Variants in SH3BGR observed in about 807,000 individuals in gnomAD.
SH3BGR encodes SH3 domain-binding glutamic acid-rich protein.
Under a neutral mutation model 24.5 loss-of-function variants are expected in SH3BGR, and 29 were observed. The observed-to-expected ratio is 1.18, with a 90% CI of 0.88 to 1.61. The LOEUF is 1.61. Ranked by LOEUF, SH3BGR falls within the 40% of genes most tolerant of loss-of-function variation. SH3BGR has a pLI of 0.00. For synonymous variants in SH3BGR, 55 were observed against 65.7 expected (o/e 0.84, Z 0.79); for missense variants, 162 against 205.8 (o/e 0.79, Z 1.30).
rs564634475 is a variant in SH3BGR, at chr21:39,455,282, C to T, written c.45+3141C>T. On this transcript the variant is annotated intron_variant, in intron 1 of 6. Coordinates refer to ENST00000333634, the MANE Select transcript of SH3BGR (RefSeq NM_007341.3). ...AGGAAAACGGAGCTCTCTGAGTCTT[C>T]ACTGAGGTCCCAAAGGCTCCAAACA... 3.3e-5 allele frequency among the ~76,000 whole-genome samples: 5 copies of T among 152,308 alleles called. No homozygotes were observed. In the East Asian group the frequency reaches 9.7e-4, roughly 29 times the overall value.
chr21:39,506,424 G>A (rs2078584152), intron 4 of SH3BGR, among the ~76,000 whole-genome samples: 1 of 152,214 alleles, frequency 6.6e-6, no homozygotes, highest in Non-Finnish European at 1.5e-5. Context: ...CTGTTCTAAG[G>A]AGGTGTATTA....
Position 39,462,411 on chromosome 21 carries a change from G to C in SH3BGR, c.82G>C (p.Glu28Gln). Residue 28 changes from glutamate (E) to glutamine (Q), a missense_variant, in exon 2 of 7, where the codon GAA becomes CAA. Physicochemically the swap from Glu to Gln is conservative, Grantham distance 29. Transcript: ENST00000333634. ...KKQQEVVGFL[E>Q]ANKIDFKELD... ...ACAGCAAGAAGTAGTGGGTTTTTTG[G>C]AAGCGAATAAAATCGACTTTAAGGA... 10 of 1,610,624 alleles carry C rather than the reference G, an allele frequency of 6.2e-6. No individual in the cohort carries two copies. Among genetic ancestry groups the C allele is most frequent in the Non-Finnish European group, 5.1e-6 (6 of 1,179,284 alleles).
intron 1 of SH3BGR, among the ~76,000 whole-genome samples, chr21:39,454,748 T>C (rs537249718): frequency 6.6e-6 from 1 of 152,358 alleles, no homozygotes; most frequent in East Asian, 1.9e-4. Flanking sequence ...TGAGTGTCAT[T>C]CTTGGAAAAT....
chr21:39,459,482 C>T (rs1314197889), intron 1 of SH3BGR, among the ~76,000 whole-genome samples: 1 of 152,214 alleles, frequency 6.6e-6, no homozygotes, highest in Non-Finnish European at 1.5e-5. Flanking sequence ...CTTGGCCTCC[C>T]AAAGTGCTGG....
At chr21:39,510,569 T>G (rs75256099) in intron 5 of SH3BGR, among the ~76,000 whole-genome samples, 12,993 of 152,044 alleles carry the variant, frequency 0.085, 807 homozygotes, top group African/African-American at 0.17. Context: ...ACAGATCTGC[T>G]TCATCATTTT....
intron 4 of SH3BGR, among the ~76,000 whole-genome samples, chr21:39,506,873 G>C (rs1467038623): frequency 6.6e-6 from 1 of 152,224 alleles, no homozygotes; most frequent in Non-Finnish European, 1.5e-5. Flanking sequence ...TCTGGCTGCA[G>C]TCTGGAGCAC....
At chr21:39,456,271 C>T (rs1389326142) in intron 1 of SH3BGR, among the ~76,000 whole-genome samples, 1 of 151,988 alleles carries the variant, frequency 6.6e-6, no homozygotes, top group Admixed American at 6.6e-5. Flanking sequence ...GGGTTTGGAC[C>T]GAATAAAGGA....
intron 3 of SH3BGR, among the ~76,000 whole-genome samples, chr21:39,484,208 C>G (rs1240399223): frequency 1.3e-5 from 2 of 152,164 alleles, no homozygotes; most frequent in African/African-American, 2.4e-5. Flanking sequence ...GACAGCAACA[C>G]AGAAGATTGT....
At chr21:39,514,878 A>G (rs2078755958) in intron 6 of SH3BGR, among the ~76,000 whole-genome samples, 1 of 152,190 alleles carries the variant, frequency 6.6e-6, no homozygotes. Context: ...ATGGTGTTTG[A>G]TATGTGTTTA....
At chr21:39,464,062 A>G (rs2077799701) in intron 2 of SH3BGR, among the ~76,000 whole-genome samples, 1 of 152,122 alleles carries the variant, frequency 6.6e-6, no homozygotes, top group African/African-American at 2.4e-5. Context: ...GGCTTATGGA[A>G]GTGTCTCTGA....
At chr21:39,458,598 A>G (rs1292603365) in intron 1 of SH3BGR, among the ~76,000 whole-genome samples, 1 of 151,204 alleles carries the variant, frequency 6.6e-6, no homozygotes, top group Non-Finnish European at 1.5e-5. Context: ...TTGGCCTCCC[A>G]AGATGCTGGG....
At chr21:39,479,241 G>GAGGTGGTAAGGGTGGTGATGGTGA (rs2078082733) in intron 3 of SH3BGR, among the ~76,000 whole-genome samples, 1 of 147,476 alleles carries the variant, frequency 6.8e-6, no homozygotes, top group African/African-American at 2.5e-5. Flanking sequence ...GGTGGTGGTG[G>GAGGTGGTAAGGGTGGTGATGGTGA]TGGTGGTGGT....
chr21:39,489,651 C>T (rs1363443101), intron 3 of SH3BGR, among the ~76,000 whole-genome samples: 2 of 152,184 alleles, frequency 1.3e-5, no homozygotes, highest in Non-Finnish European at 2.9e-5. Context: ...GGCAGTCAGC[C>T]TCAACCCTGG....
chr21:39,465,084 G>A (rs1411592558), intron 2 of SH3BGR, among the ~76,000 whole-genome samples: 2 of 151,942 alleles, frequency 1.3e-5, no homozygotes, highest in Middle Eastern at 3.4e-3. Flanking sequence ...AAAATTTTTT[G>A]TAGTGACAAA....
intron 3 of SH3BGR, among the ~76,000 whole-genome samples, chr21:39,487,577 A>T (rs2078231490): frequency 6.6e-6 from 1 of 152,222 alleles, no homozygotes; most frequent in Non-Finnish European, 1.5e-5. Context: ...TAACATTCCA[A>T]CAGCCAGACA....
intron 3 of SH3BGR, among the ~76,000 whole-genome samples, chr21:39,484,991 C>T (rs1316664352): frequency 6.6e-6 from 1 of 152,192 alleles, no homozygotes; most frequent in Non-Finnish European, 1.5e-5. Flanking sequence ...AATGCATGCT[C>T]ATAAAACGTA....
chr21:39,452,028 C>G lies in SH3BGR; in HGVS notation c.-69C>G. 1.9e-6 allele frequency: 3 copies of G among 1,614,178 alleles called. No individual in the cohort carries two copies. The highest frequency in any genetic ancestry group is 1.7e-6 in the Non-Finnish European group (2 of 1,180,036). ...GGCACTTGCTTGCCTGTGTCACTGT[C>G]AGGATTTGTCTAGCGGCGCATTCCC... On this transcript the variant is annotated 5_prime_UTR_variant, in exon 1 of 7. Transcript: ENST00000333634.
chr21:39,456,613 G>T (rs920099344), intron 1 of SH3BGR, among the ~76,000 whole-genome samples: 1 of 146,516 alleles, frequency 6.8e-6, no homozygotes, highest in Non-Finnish European at 1.5e-5. Context: ...TTCCATGCGG[G>T]GTAGCAGATC....
At chr21:39,451,688 G>A (rs1402183818), upstream of SH3BGR, 7 of 564,140 alleles carry the variant, frequency 1.2e-5, no homozygotes, top group East Asian at 3.1e-5. Context: ...CACTTCTTTC[G>A]CCTCCTGCTG....
Sources: allele counts gnomAD v4.1 joint callset (sites outside exome capture counted in the v4.1 genomes callset), GRCh38; gene constraint gnomAD v4.1.1; transcripts MANE v1.5; gene names NCBI Gene and HGNC (gene_info 2026-07-23, HGNC 2026-07-21).